SETD3: variants seen among roughly 807,000 people sequenced by gnomAD.
The protein encoded by SETD3 is SET domain containing 3, actin N3(tau)-histidine methyltransferase.
A neutral mutation model predicts 63.0 loss-of-function variants in SETD3; 19 were observed. The observed-to-expected ratio is 0.30, with a 90% CI of 0.21 to 0.44. The LOEUF (loss-of-function observed/expected upper bound fraction) is 0.44, where lower values mean the gene tolerates loss of function less well. SETD3 is among the 20% of genes least tolerant of loss of function. The pLI, the probability that SETD3 is intolerant of heterozygous loss-of-function variation, is 1.00. For synonymous variants in SETD3, 286 were observed against 264.1 expected, an observed-to-expected ratio of 1.08 and a Z score of -0.80; for missense variants, 587 against 728.5, an observed-to-expected ratio of 0.81 and a Z score of 2.24.
chr14:99,439,117 G>C (rs1406691049), intron 6 of SETD3, among the ~76,000 whole-genome samples: 1 of 152,214 alleles, frequency 6.6e-6, no homozygotes, highest in African/African-American at 2.4e-5. Context: ...AACTTTGGCG[G>C]GAGCCACAGG....
At chr14:99,475,595 T>C (rs1053423483) in intron 1 of SETD3, among the ~76,000 whole-genome samples, 1 of 152,252 alleles carries the variant, frequency 6.6e-6, no homozygotes, top group East Asian at 1.9e-4. Context: ...CCAGGCTTAA[T>C]GTGCCCCTCA....
intron 6 of SETD3, among the ~76,000 whole-genome samples, chr14:99,434,873 A>AAAAAAAC (rs1893390724): frequency 1.3e-5 from 2 of 150,434 alleles, no homozygotes; most frequent in African/African-American, 4.9e-5. Flanking sequence ...AAAAAAAAAA[A>AAAAAAAC]AAACAACCTA....
At chr14:99,414,009 A>C in intron 6 of SETD3, 75 bp from the exon 7 acceptor site, 1 of 1,349,712 alleles carries the variant, frequency 7.4e-7, no homozygotes, top group Middle Eastern at 1.8e-4. Flanking sequence ...GCAGAATTTC[A>C]TTATTTAGCT....
In SETD3 at chr14:99,412,997, A is replaced by G; in HGVS notation, c.803T>C (p.Leu268Pro). Reference protein sequence around the residue: ...IPTEDGSRVTLALIPLWDMCN... With the variant: ...IPTEDGSRVTPALIPLWDMCN... ...CATATCCCATAAAGGAATCAGAGCC[A>G]GGGTCACGCGGGAACCATCCTCTGT... The change falls in exon 8 of 13, where the codon CTG becomes CCG. Residue 268 changes from leucine to proline, a missense_variant. Coordinates refer to ENST00000331768, the MANE Select transcript of SETD3 (RefSeq NM_032233.3). 6.2e-7 allele frequency: 1 copy of G among 1,614,178 alleles called. No homozygotes were observed. Among genetic ancestry groups the G allele is most frequent in the Non-Finnish European group, 8.5e-7 (1 of 1,180,000 alleles).
intron 6 of SETD3, among the ~76,000 whole-genome samples, chr14:99,432,890 T>C (rs992675874): frequency 6.6e-6 from 1 of 152,140 alleles, no homozygotes; most frequent in Non-Finnish European, 1.5e-5. Context: ...TCATTCTTGG[T>C]GGAGAACCGG....
rs973207171 is a variant in SETD3 at position 99,465,703 on chromosome 14, T to C, written c.103A>G (p.Lys35Glu). 1.9e-6 allele frequency: 3 copies of C among 1,612,942 alleles called. No homozygotes were observed. Among genetic ancestry groups the C allele is most frequent in the Non-Finnish European group, 2.5e-6 (3 of 1,179,088 alleles). The change falls in exon 2 of 13, where the codon AAA (lysine) becomes GAA (glutamate). Residue 35 changes from lysine (K) to glutamate (E), a missense_variant and splice_region_variant. By Grantham distance (56) the Lys-to-Glu change is moderately conservative. Transcript: ENST00000331768. ...ILNLTSELLQ[K>E]CSSPAPGPGK... ...AGGGAGAGCCCAGAGGAGGACTTAC[T>C]CTGCAGCAGCTCACTGGTCAGGTTC...
intron 6 of SETD3, among the ~76,000 whole-genome samples, chr14:99,441,196 G>GT (rs1893790673): frequency 6.6e-6 from 1 of 152,228 alleles, no homozygotes; most frequent in African/African-American, 2.4e-5. Context: ...GGGACCCAGT[G>GT]TGGGGTGTGG....
In SETD3 at chr14:99,458,505, T is replaced by G; in HGVS notation, c.449A>C (p.Gln150Pro). Reference sequence around the variant, plus strand: ...GGCCAGTGCGATGTTTCCCATGGCTTGAAGGATTCGGTCTTGAGAATATAA... The same window carrying G: ...GGCCAGTGCGATGTTTCCCATGGCTGGAAGGATTCGGTCTTGAGAATATAA... ...GPLYSQDRIL[Q>P]AMGNIALAFH... The change falls in exon 6 of 13, where the codon CAA becomes CCA. Residue 150 changes from glutamine (Q) to proline (P), a missense_variant. Physicochemically the swap from Gln to Pro is moderately conservative, Grantham distance 76. Coordinates refer to ENST00000331768, the MANE Select transcript of SETD3 (RefSeq NM_032233.3). The G allele has an allele frequency of 6.2e-7, 1 of 1,614,188 alleles. No individual in the cohort carries two copies. Among genetic ancestry groups the G allele is most frequent in the African/African-American group, 1.3e-5 (1 of 75,056 alleles).
rs1358555618 is a variant in SETD3, at chr14:99,405,267, C to G, written c.1029G>C (p.Val343=). 2.5e-6 allele frequency: 4 copies of G among 1,614,178 alleles called. No homozygotes were observed. Among genetic ancestry groups the G allele is most frequent in the Admixed American group, 1.7e-5 (1 of 60,026 alleles). ...TGGCGTAGAGTCTGTCACTTTTACT[C>G]ACTCCAAGCTTTATTTTCACTCTGT... ...SHDRVKIKLG[V]SKSDRLYAMK... Residue 343 remains valine, a synonymous_variant, in exon 10 of 13, where the codon GTG becomes GTC. Transcript: ENST00000331768.
At chr14:99,453,166 G>A (rs559596850) in intron 6 of SETD3, among the ~76,000 whole-genome samples, 1 of 152,276 alleles carries the variant, frequency 6.6e-6, no homozygotes, top group Admixed American at 6.5e-5. Flanking sequence ...CTACTAAAAG[G>A]AGCAAAGGCC....
intron 6 of SETD3, among the ~76,000 whole-genome samples, chr14:99,449,687 T>A (rs1894347945): frequency 6.6e-6 from 1 of 152,246 alleles, no homozygotes; most frequent in Non-Finnish European, 1.5e-5. Flanking sequence ...AGGGCATTAA[T>A]GCCAGGACAA....
intron 1 of SETD3, among the ~76,000 whole-genome samples, chr14:99,467,930 T>C (rs534816566): frequency 1.3e-5 from 2 of 152,184 alleles, no homozygotes; most frequent in Admixed American, 6.5e-5. Flanking sequence ...CAGCAGCTGT[T>C]CCCTGGAGCT....
At position 99,398,667 on chromosome 14, in the gene SETD3, CTTCA is replaced by C; in HGVS notation, c.*8_*11del. 1 of 1,608,584 alleles carries C rather than the reference CTTCA, an allele frequency of 6.2e-7. No homozygotes were observed. The highest frequency in any genetic ancestry group is 8.5e-7 in the Non-Finnish European group (1 of 1,175,934). On this transcript the variant is annotated 3_prime_UTR_variant, in exon 13 of 13. Coordinates refer to ENST00000331768, the MANE Select transcript of SETD3 (RefSeq NM_032233.3). Reference sequence around the variant, plus strand: ...CTGCTCCACTGGATCCCCCATCCAGCTTCACCTCGAGCTACTCCTTAACTCCAGC... The same window carrying C: ...CTGCTCCACTGGATCCCCCATCCAGCCCTCGAGCTACTCCTTAACTCCAGC...
chr14:99,480,366 G>A (rs3918026), intron 1 of SETD3, among the ~76,000 whole-genome samples: 1 of 151,924 alleles, frequency 6.6e-6, no homozygotes, highest in African/African-American at 2.4e-5. Flanking sequence ...GGCAAGCTCG[G>A]GGAGAGCGCT....
intron 1 of SETD3, among the ~76,000 whole-genome samples, chr14:99,469,561 T>C (rs865847124): frequency 2.6e-5 from 4 of 152,278 alleles, no homozygotes; most frequent in Admixed American, 6.5e-5. Flanking sequence ...CTGGAAAACA[T>C]GGCAAAACCT....
At chr14:99,436,600 C>A (rs1326553145) in intron 6 of SETD3, among the ~76,000 whole-genome samples, 1 of 152,154 alleles carries the variant, frequency 6.6e-6, no homozygotes, top group East Asian at 1.9e-4. Flanking sequence ...GTGAGTTTGG[C>A]TTGGAATGGC....
At chr14:99,427,289 C>A (rs1449483603) in intron 6 of SETD3, among the ~76,000 whole-genome samples, 1 of 152,154 alleles carries the variant, frequency 6.6e-6, no homozygotes, top group South Asian at 2.1e-4. Context: ...AGTGAAAATA[C>A]GTTACCCCAT....
chr14:99,398,624 C>G lies in SETD3; in HGVS notation c.*55G>C. ...TAACAAGGAAACACAGCGATGTGAA[C>G]GGACTGTCCGTCAACTCCTGCTCCA... On this transcript the variant is annotated 3_prime_UTR_variant, in exon 13 of 13. Coordinates refer to ENST00000331768, the MANE Select transcript of SETD3 (RefSeq NM_032233.3). 1 of 1,488,108 alleles carries G rather than the reference C, an allele frequency of 6.7e-7. No individual in the cohort carries two copies. Among genetic ancestry groups the G allele is most frequent in the Non-Finnish European group, 9.3e-7 (1 of 1,078,978 alleles). 92.2% of individuals were successfully genotyped at this position (1,488,108 alleles called of 1,614,324 possible). A position where few individuals can be genotyped will look rare whatever the true frequency, so the allele number is the denominator to read the frequency against.
chr14:99,415,795 GT>G (rs1892260498), intron 6 of SETD3, among the ~76,000 whole-genome samples: 1 of 152,170 alleles, frequency 6.6e-6, no homozygotes, highest in African/African-American at 2.4e-5. Flanking sequence ...GCACTTAACA[GT>G]GACACTAAAG....
Sources: allele counts gnomAD v4.1 joint callset (sites outside exome capture counted in the v4.1 genomes callset), GRCh38; gene constraint gnomAD v4.1.1; transcripts MANE v1.5; gene names NCBI Gene and HGNC (gene_info 2026-07-23, HGNC 2026-07-21).